Variants in LUZP2 observed in about 807,000 individuals in gnomAD.
LUZP2 encodes the protein leucine zipper protein 2.
LUZP2 carries 52 observed loss-of-function variants against 51.6 expected under a neutral mutation model. The observed-to-expected ratio is 1.01, with a 90% CI of 0.81 to 1.27. LUZP2 has a LOEUF of 1.27. Among genes scored for constraint, LUZP2 ranks in the 50% most tolerant of loss-of-function variants. The pLI, the probability that LUZP2 is intolerant of heterozygous loss-of-function variation, is 0.00. For missense variants in LUZP2, 436 were observed against 395.4 expected (o/e 1.10, Z -0.87); for synonymous variants, 154 against 137.3 (o/e 1.12, Z -0.85).
intron 5 of LUZP2, among the ~76,000 whole-genome samples, chr11:24,888,266 T>C (rs898086536): frequency 1.3e-5 from 2 of 152,114 alleles, no homozygotes; most frequent in Non-Finnish European, 2.9e-5. Context: ...ATTCATAGGC[T>C]TTCTCTTCAT....
chr11:24,632,617 A>G (rs1188539222), intron 1 of LUZP2, among the ~76,000 whole-genome samples: 1 of 152,014 alleles, frequency 6.6e-6, no homozygotes. Context: ...CTGTCTGCTC[A>G]TCAGGGCAAT....
intron 1 of LUZP2, among the ~76,000 whole-genome samples, chr11:24,632,448 T>G (rs1226464971): frequency 1.3e-5 from 2 of 152,076 alleles, no homozygotes; most frequent in African/African-American, 4.8e-5. Flanking sequence ...TTTAACTAGC[T>G]TCCCCCATAT....
chr11:24,793,092 T>G (rs1849451499), intron 5 of LUZP2, among the ~76,000 whole-genome samples: 1 of 152,226 alleles, frequency 6.6e-6, no homozygotes, highest in South Asian at 2.1e-4. Flanking sequence ...CATAGTACTT[T>G]ATTTAGATGT....
At chr11:24,791,546 CT>C (rs149879464) in intron 5 of LUZP2, among the ~76,000 whole-genome samples, 11,366 of 151,888 alleles carry the variant, frequency 0.075, 1,366 homozygotes, top group African/African-American at 0.25. Context: ...AGTTTAAAAG[CT>C]TTTTTTCTTT....
intron 3 of LUZP2, among the ~76,000 whole-genome samples, chr11:24,736,818 G>C (rs551714953): frequency 3.6e-4 from 54 of 152,112 alleles, no homozygotes; most frequent in African/African-American, 1.2e-3. Context: ...GATGGAAGCT[G>C]TCACTCAGAA....
intron 1 of LUZP2, among the ~76,000 whole-genome samples, chr11:24,504,835 C>T (rs922620056): frequency 6.6e-6 from 1 of 152,090 alleles, no homozygotes; most frequent in Non-Finnish European, 1.5e-5. Flanking sequence ...AAGCGGGGAA[C>T]TAACCCAATG....
At chr11:24,656,067 A>C (rs1855791462) in intron 1 of LUZP2, among the ~76,000 whole-genome samples, 1 of 152,206 alleles carries the variant, frequency 6.6e-6, no homozygotes, top group African/African-American at 2.4e-5. Context: ...GGATGAAGGC[A>C]AATATCTGAG....
intron 5 of LUZP2, among the ~76,000 whole-genome samples, chr11:24,859,503 A>G (rs116301826): frequency 0.012 from 1,899 of 152,328 alleles, 24 homozygotes; most frequent in African/African-American, 0.043. Flanking sequence ...TCTTAGTTAC[A>G]TCACTAAAAG....
intron 5 of LUZP2, among the ~76,000 whole-genome samples, chr11:24,845,139 T>G (rs1291424804): frequency 6.6e-6 from 1 of 152,140 alleles, no homozygotes; most frequent in Non-Finnish European, 1.5e-5. Context: ...TGCCAGCCGG[T>G]GAAGGCAGCC....
At chr11:24,773,093 T>G (rs897999726) in intron 5 of LUZP2, among the ~76,000 whole-genome samples, 10 of 152,184 alleles carry the variant, frequency 6.6e-5, no homozygotes, top group African/African-American at 2.4e-4. Flanking sequence ...TTTTTTTTTT[T>G]TTTGAAAGGC....
At chr11:24,636,232 A>G (rs888776058) in intron 1 of LUZP2, among the ~76,000 whole-genome samples, 5 of 152,176 alleles carry the variant, frequency 3.3e-5, no homozygotes, top group African/African-American at 1.2e-4. Context: ...AATTGGAGAC[A>G]GTTTCAGCCA....
intron 5 of LUZP2, among the ~76,000 whole-genome samples, chr11:24,896,854 C>T (rs1026863144): frequency 2.8e-4 from 43 of 152,104 alleles, no homozygotes; most frequent in Admixed American, 3.3e-4. Flanking sequence ...GGTTTGTAAA[C>T]GCACCAATCA....
At chr11:24,699,653 C>CTATATATA (rs376832974) in intron 1 of LUZP2, among the ~76,000 whole-genome samples, 3 of 132,096 alleles carry the variant, frequency 2.3e-5, no homozygotes, top group African/African-American at 5.5e-5. Context: ...ATAGCCTTGG[C>CTATATATA]CATATATATA....
At chr11:24,566,326 A>C (rs71474707) in intron 1 of LUZP2, among the ~76,000 whole-genome samples, 29,021 of 92,932 alleles carry the variant, frequency 0.31, 3,391 homozygotes, top group Middle Eastern at 0.47. Flanking sequence ...TTATTTATTT[A>C]TTTTTTTTTT....
intron 5 of LUZP2, among the ~76,000 whole-genome samples, chr11:24,883,015 AAAAAG>A: frequency 6.6e-6 from 1 of 151,886 alleles, no homozygotes; most frequent in Non-Finnish European, 1.5e-5. Flanking sequence ...GAAAAGAGAA[AAAAAG>A]AAAAGAGAAG....
At chr11:24,855,025 CCTCCTGTGTTAATCTTG>C (rs1851515803) in intron 5 of LUZP2, among the ~76,000 whole-genome samples, 1 of 152,150 alleles carries the variant, frequency 6.6e-6, no homozygotes, top group Admixed American at 6.6e-5. Flanking sequence ...AAATCACCCA[CCTCCTGTGTTAATCTTG>C]CTTGGAGCTA....
intron 1 of LUZP2, among the ~76,000 whole-genome samples, chr11:24,636,812 A>T (rs1303594951): frequency 3.9e-5 from 6 of 152,182 alleles, no homozygotes; most frequent in Admixed American, 3.9e-4. Flanking sequence ...TATAGAAAAT[A>T]AAGCAAGATT....
intron 6 of LUZP2, among the ~76,000 whole-genome samples, chr11:24,909,699 A>G (rs1240824040): frequency 6.6e-6 from 1 of 152,186 alleles, no homozygotes; most frequent in Non-Finnish European, 1.5e-5. Context: ...ATTATCTTAG[A>G]GGGCCTCCCC....
chr11:24,551,149 A>G (rs1175813340), intron 1 of LUZP2, among the ~76,000 whole-genome samples: 11 of 152,102 alleles, frequency 7.2e-5, no homozygotes, highest in Admixed American at 5.9e-4. Context: ...TGGAAACTAT[A>G]ACATATGTTA....
Sources: allele counts gnomAD v4.1 joint callset (sites outside exome capture counted in the v4.1 genomes callset), GRCh38; gene constraint gnomAD v4.1.1; transcripts MANE v1.5; gene names NCBI Gene and HGNC (gene_info 2026-07-23, HGNC 2026-07-21).